TEX9: variants seen among roughly 807,000 people sequenced by gnomAD.
The protein encoded by TEX9 is testis expressed 9.
TEX9 carries 74 observed loss-of-function variants against 59.6 expected under a neutral mutation model. The observed-to-expected ratio is 1.24, with a 90% CI of 1.03 to 1.51. The LOEUF is 1.51. Ranked by LOEUF, TEX9 falls within the 40% of genes most tolerant of loss-of-function variation. The pLI, the probability that TEX9 is intolerant of heterozygous loss-of-function variation, is 0.00. For missense variants in TEX9, 522 were observed against 447.8 expected, an observed-to-expected ratio of 1.17 and a Z score of -1.49; for synonymous variants, 186 against 152.2, an observed-to-expected ratio of 1.22 and a Z score of -1.64.
chr15:56,379,081 A>AAAAG (rs201355548), intron 3 of TEX9, among the ~76,000 whole-genome samples: 1 of 130,322 alleles, frequency 7.7e-6, no homozygotes, highest in South Asian at 2.1e-4. Flanking sequence ...CAAAAAAAAA[A>AAAAG]AAAGAAAGAA....
intron 1 of TEX9, among the ~76,000 whole-genome samples, chr15:56,300,116 G>A (rs765663058): frequency 1.7e-4 from 26 of 152,212 alleles, no homozygotes; most frequent in Non-Finnish European, 3.1e-4. Context: ...TTTTTGAACC[G>A]CCCTGGACCA....
chr15:56,268,733 T>G (rs779960739), intron 1 of TEX9, among the ~76,000 whole-genome samples: 3 of 152,178 alleles, frequency 2.0e-5, no homozygotes, highest in Non-Finnish European at 4.4e-5. Context: ...TTGCCAGTAT[T>G]TTATTGAGGA....
At chr15:56,270,395 A>G (rs1277624131) in intron 1 of TEX9, among the ~76,000 whole-genome samples, 1 of 152,168 alleles carries the variant, frequency 6.6e-6, no homozygotes, top group South Asian at 2.1e-4. Context: ...CTTTACCATT[A>G]TGTAATGGCC....
downstream of TEX9, among the ~76,000 whole-genome samples, chr15:56,448,189 T>C (rs1199618595): frequency 2.6e-5 from 4 of 152,184 alleles, no homozygotes; most frequent in African/African-American, 9.7e-5. Flanking sequence ...GGTCATACAG[T>C]AGATGCACGT....
rs147555757 is a variant in TEX9 at position 56,435,121 on chromosome 15, A to T, written c.*29+6648A>T. On this transcript the variant is annotated intron_variant, in intron 12 of 12. Coordinates refer to ENST00000352903, the Ensembl canonical transcript of TEX9. ...GTAGTTAATAAAAGTGAGACAGCAA[A>T]ATTTGTGAGATGCTGCTAAAGCAGT... Among the ~76,000 whole-genome samples, 1,494 of 152,190 alleles carry T rather than the reference A, an allele frequency of 9.8e-3. 23 individuals carry two copies. The highest frequency in any genetic ancestry group is 0.034 in the African/African-American group (1,428 of 41,562).
intron 9 of TEX9, among the ~76,000 whole-genome samples, chr15:56,401,308 C>CAAAAAAAAAAAAAAAAAAAA (rs1207055803): frequency 6.4e-5 from 3 of 46,776 alleles, no homozygotes; most frequent in Admixed American, 3.2e-4. Context: ...AAATTGAAAG[C>CAAAAAAAAAAAAAAAAAAAA]AAAAAAAAAA....
intron 1 of TEX9, among the ~76,000 whole-genome samples, chr15:56,261,704 G>A (rs1192493214): frequency 2.6e-5 from 4 of 151,972 alleles, no homozygotes; most frequent in East Asian, 3.9e-4. Flanking sequence ...GCAATAGAGC[G>A]AGAGACTGTC....
At chr15:56,328,982 TGCTGTATTG>T (rs1396621272) in intron 1 of TEX9, among the ~76,000 whole-genome samples, 1 of 151,844 alleles carries the variant, frequency 6.6e-6, no homozygotes, top group Non-Finnish European at 1.5e-5. Context: ...CGAGATCGAG[TGCTGTATTG>T]GCTTCAGGTT....
intron 1 of TEX9, among the ~76,000 whole-genome samples, chr15:56,322,387 G>A (rs1480260184): frequency 6.6e-6 from 1 of 152,090 alleles, no homozygotes; most frequent in African/African-American, 2.4e-5. Context: ...AACATTAGGG[G>A]GCAATTATGG....
At chr15:56,270,688 T>G (rs2044507267) in intron 1 of TEX9, among the ~76,000 whole-genome samples, 1 of 152,240 alleles carries the variant, frequency 6.6e-6, no homozygotes, top group African/African-American at 2.4e-5. Context: ...TGATGTTAGT[T>G]GCTTATTTTG....
intron 9 of TEX9, among the ~76,000 whole-genome samples, chr15:56,406,154 T>G (rs2049065985): frequency 6.6e-6 from 1 of 152,172 alleles, no homozygotes; most frequent in African/African-American, 2.4e-5. Context: ...AGCTATATTT[T>G]TTCACTACAA....
intron 1 of TEX9, among the ~76,000 whole-genome samples, chr15:56,288,819 A>G (rs1206498880): frequency 8.3e-6 from 1 of 121,148 alleles, no homozygotes; most frequent in Non-Finnish European, 2.1e-5. Context: ...TCTTTAAATA[A>G]GCTCTCTACA....
intron 1 of TEX9, among the ~76,000 whole-genome samples, chr15:56,260,993 A>T (rs965552180): frequency 3.3e-5 from 5 of 151,696 alleles, no homozygotes; most frequent in African/African-American, 1.2e-4. Context: ...TATTCATTTT[A>T]TATAGATTGT....
At chr15:56,333,278 C>G (rs2046193314) in intron 1 of TEX9, among the ~76,000 whole-genome samples, 2 of 152,050 alleles carry the variant, frequency 1.3e-5, no homozygotes, top group South Asian at 4.1e-4. Context: ...AAAACACTAG[C>G]AAACCAAATT....
At chr15:56,332,818 T>C (rs1050473171) in intron 1 of TEX9, among the ~76,000 whole-genome samples, 7 of 151,830 alleles carry the variant, frequency 4.6e-5, no homozygotes, top group Non-Finnish European at 7.4e-5. Flanking sequence ...ATAAATAAAA[T>C]CAGAGGTGAA....
chr15:56,443,308 TA>T, intron 12 of TEX9: 1 of 675,738 alleles, frequency 1.5e-6, no homozygotes, highest in Middle Eastern at 4.4e-4. Context: ...AACTGTAGTA[TA>T]CCATTTACAT....
chr15:56,424,615 T>C (rs1425287792), intron 10 of TEX9, among the ~76,000 whole-genome samples: 1 of 152,172 alleles, frequency 6.6e-6, no homozygotes, highest in African/African-American at 2.4e-5. Flanking sequence ...GCAACTTCAA[T>C]CGTATATAAA....
At chr15:56,351,806 A>T (rs2046585927) in intron 1 of TEX9, among the ~76,000 whole-genome samples, 1 of 152,212 alleles carries the variant, frequency 6.6e-6, no homozygotes. Flanking sequence ...TCTTTTTGTC[A>T]TTGTGTATTT....
the TEX9 span, among the ~76,000 whole-genome samples, chr15:56,455,076 C>T: frequency 6.6e-6 from 1 of 152,054 alleles, no homozygotes; most frequent in Non-Finnish European, 1.5e-5. Flanking sequence ...GCCAAGCTTG[C>T]ATTCTGGTTT....
Sources: allele counts gnomAD v4.1 joint callset (sites outside exome capture counted in the v4.1 genomes callset), GRCh38; gene constraint gnomAD v4.1.1; transcripts MANE v1.5; gene names NCBI Gene and HGNC (gene_info 2026-07-23, HGNC 2026-07-21).